KAT6B: variants seen among roughly 807,000 people sequenced by gnomAD.
The protein encoded by KAT6B is lysine acetyltransferase 6B.
KAT6B carries 10 observed loss-of-function variants against 187.5 expected under a neutral mutation model. That is an observed-to-expected ratio of 0.05 (90% CI 0.03 to 0.09). The LOEUF is 0.09. Ranked by LOEUF, KAT6B falls within the 10% of genes least tolerant of loss-of-function variation. KAT6B has a pLI of 1.00. For missense variants in KAT6B, 1,952 were observed against 2,558.9 expected (o/e 0.76, Z 5.12); for synonymous variants, 861 against 926.8 (o/e 0.93, Z 1.29).
chr10:74,887,745 G>A (rs1845381384), intron 3 of KAT6B, among the ~76,000 whole-genome samples: 1 of 152,034 alleles, frequency 6.6e-6, no homozygotes, highest in Admixed American at 6.6e-5. Context: ...AGTGGCTCCT[G>A]CCCATAATCT....
intron 13 of KAT6B, among the ~76,000 whole-genome samples, chr10:75,014,358 A>G (rs1469827660): frequency 6.6e-6 from 1 of 152,220 alleles, no homozygotes; most frequent in Non-Finnish European, 1.5e-5. Context: ...GAGAGAATCT[A>G]ACTGGCTTCT....
At chr10:74,973,507 C>G (rs1391919904) in intron 7 of KAT6B, among the ~76,000 whole-genome samples, 1 of 152,160 alleles carries the variant, frequency 6.6e-6, no homozygotes, top group East Asian at 1.9e-4. Flanking sequence ...AGAAAGAATA[C>G]ATGCTCTGCA....
intron 3 of KAT6B, among the ~76,000 whole-genome samples, chr10:74,909,576 G>A (rs1037510352): frequency 6.6e-6 from 1 of 152,186 alleles, no homozygotes; most frequent in African/African-American, 2.4e-5. Flanking sequence ...TAAGCTCCAG[G>A]CTCACCTTCT....
chr10:74,960,251 A>G (rs908266129), intron 4 of KAT6B, among the ~76,000 whole-genome samples, 173 bp downstream of exon 4: 13 of 152,178 alleles, frequency 8.5e-5, no homozygotes, highest in Non-Finnish European at 1.5e-4. Flanking sequence ...TGAGTATGTT[A>G]GTACTGACAT....
intron 3 of KAT6B, among the ~76,000 whole-genome samples, chr10:74,912,933 G>A (rs548191961): frequency 6.6e-5 from 10 of 152,316 alleles, no homozygotes; most frequent in Admixed American, 4.6e-4. Context: ...TGAAAGCAGA[G>A]TGTCCTTGTT....
At chr10:74,943,517 GAAC>G (rs1849850654) in intron 3 of KAT6B, among the ~76,000 whole-genome samples, 2 of 151,994 alleles carry the variant, frequency 1.3e-5, no homozygotes, top group South Asian at 4.2e-4. Context: ...TTTTGAAAAA[GAAC>G]AACAAAGTTG....
chr10:74,975,127 T>C (rs187595880), intron 7 of KAT6B, among the ~76,000 whole-genome samples: 1 of 152,340 alleles, frequency 6.6e-6, no homozygotes, highest in East Asian at 1.9e-4. Flanking sequence ...GGTGTTCTTT[T>C]AGTCTCTTCA....
chr10:75,009,039 T>A (rs1200484516), intron 13 of KAT6B, among the ~76,000 whole-genome samples: 1 of 152,174 alleles, frequency 6.6e-6, no homozygotes, highest in Admixed American at 6.5e-5. Context: ...GTTACATAAT[T>A]TACACTTCCA....
At chr10:74,950,200 C>T (rs559247071) in intron 3 of KAT6B, among the ~76,000 whole-genome samples, 2 of 152,222 alleles carry the variant, frequency 1.3e-5, no homozygotes, top group Non-Finnish European at 2.9e-5. Context: ...TGTTTGGTGT[C>T]TACTTATGTC....
At chr10:74,908,684 A>T (rs1295767740) in intron 3 of KAT6B, among the ~76,000 whole-genome samples, 1 of 152,144 alleles carries the variant, frequency 6.6e-6, no homozygotes, top group African/African-American at 2.4e-5. Context: ...TAAAAATGGG[A>T]ATTTTATGTG....
chr10:74,969,545 G>C, intron 4 of KAT6B, 115 bp from the exon 5 acceptor site: 1 of 710,892 alleles, frequency 1.4e-6, no homozygotes, highest in South Asian at 1.5e-5. Context: ...GCATTTTCAA[G>C]TTCCTAAGGT....
At chr10:74,906,354 C>T (rs111850211) in intron 3 of KAT6B, among the ~76,000 whole-genome samples, 2,836 of 152,150 alleles carry the variant, frequency 0.019, 30 homozygotes, top group Middle Eastern at 0.037. Flanking sequence ...GAGCCAAGAT[C>T]GTGCCACTGC....
At chr10:74,966,574 G>A (rs906274810) in intron 4 of KAT6B, among the ~76,000 whole-genome samples, 1 of 152,104 alleles carries the variant, frequency 6.6e-6, no homozygotes, top group Admixed American at 6.6e-5. Flanking sequence ...TAAAACTATT[G>A]TAAGCTACTA....
In KAT6B at chr10:74,924,575, G is replaced by A. The variant is rs1411545703; in HGVS notation, c.622-35395G>A. 2.0e-5 allele frequency among the ~76,000 whole-genome samples: 3 copies of A among 152,114 alleles called. 1 individual carries two copies. Among genetic ancestry groups the A allele is most frequent in the Non-Finnish European group, 4.4e-5 (3 of 68,020 alleles). On this transcript the variant is annotated intron_variant, in intron 3 of 17. Transcript: ENST00000287239. ...TAAGAGTTTTAACTTTGAGAGAAAG[G>A]GACGTTACCCCTGAAATAACTATCT... is the stretch of plus-strand genomic sequence containing the variant.
intron 3 of KAT6B, among the ~76,000 whole-genome samples, chr10:74,861,812 A>G (rs1314419841): frequency 6.6e-6 from 1 of 152,232 alleles, no homozygotes; most frequent in Non-Finnish European, 1.5e-5. Context: ...ATATCATTAA[A>G]GTAGCTTTTC....
At chr10:74,914,668 C>T (rs10740446) in intron 3 of KAT6B, among the ~76,000 whole-genome samples, 37,904 of 152,146 alleles carry the variant, frequency 0.25, 8,557 homozygotes, top group African/African-American at 0.6. Flanking sequence ...AAAAGGGCTG[C>T]ATAGTTAGGA....
chr10:74,870,236 T>C (rs1843819233), intron 3 of KAT6B, among the ~76,000 whole-genome samples: 1 of 152,136 alleles, frequency 6.6e-6, no homozygotes, highest in Non-Finnish European at 1.5e-5. Flanking sequence ...GAGTCTGCAG[T>C]GAGCCATGAT....
intron 4 of KAT6B, 30 bp downstream of exon 4, chr10:74,960,108 A>G: frequency 3.9e-6 from 5 of 1,296,920 alleles, no homozygotes; most frequent in East Asian, 2.3e-5. Flanking sequence ...TGTGTTGTAC[A>G]ATGACTTCCC....
intron 10 of KAT6B, 74 bp downstream of exon 10, chr10:74,979,413 G>T: frequency 1.9e-6 from 2 of 1,039,926 alleles, no homozygotes; most frequent in Non-Finnish European, 3.0e-6. Flanking sequence ...TGATTCTAAA[G>T]CAGGAATTAG....
Sources: gnomAD v4.1 joint callset for allele counts (sites outside exome capture counted in the v4.1 genomes callset) on GRCh38, gnomAD v4.1.1 for gene constraint, MANE v1.5 for transcripts, NCBI Gene and HGNC (gene_info 2026-07-23, HGNC 2026-07-21) for gene names.